The following BCAR3 variants were observed in gnomAD, a reference collection of about 807,000 sequenced individuals.
BCAR3 encodes the protein breast cancer anti-estrogen resistance protein 3.
In BCAR3, 37 loss-of-function variants were observed where a neutral mutation model predicts 80.1. The observed-to-expected ratio is 0.46, with a 90% CI of 0.36 to 0.61. BCAR3 has a LOEUF of 0.61. BCAR3 is among the 20% of genes least tolerant of loss of function. The pLI is 0.00. For missense variants in BCAR3, 978 were observed against 1,068.2 expected, an observed-to-expected ratio of 0.92 and a Z score of 1.18; for synonymous variants, 389 against 418.9, an observed-to-expected ratio of 0.93 and a Z score of 0.87.
chr1:93,829,289 G>A (rs1654478113), intron 2 of BCAR3, among the ~76,000 whole-genome samples: 1 of 151,928 alleles, frequency 6.6e-6, no homozygotes, highest in African/African-American at 2.4e-5. Context: ...ACCTGGTGGT[G>A]GCTATACTTG....
chr1:93,799,466 C>T (rs895829876), intron 2 of BCAR3, among the ~76,000 whole-genome samples: 4 of 152,184 alleles, frequency 2.6e-5, no homozygotes, highest in Non-Finnish European at 5.9e-5. Flanking sequence ...GCCTAAAACA[C>T]TCCTAAGCTG....
chr1:93,644,397 C>G (rs1226179348), intron 2 of BCAR3, among the ~76,000 whole-genome samples: 1 of 152,230 alleles, frequency 6.6e-6, no homozygotes, highest in Non-Finnish European at 1.5e-5. Flanking sequence ...CAAACTCAAC[C>G]AATTGTCAAC....
At chr1:93,584,247 G>T (rs555262360) in intron 5 of BCAR3, 126 bp from the exon 6 acceptor site, 3 of 755,514 alleles carry the variant, frequency 4.0e-6, no homozygotes, top group South Asian at 1.9e-5. Context: ...GAGTGCTACA[G>T]CATACCCTAA....
At position 93,618,942 on chromosome 1, in the gene BCAR3, T is replaced by G. The variant is rs933193189; in HGVS notation, c.357+23362A>C. Among the ~76,000 whole-genome samples, 23 of 151,080 alleles carry G rather than the reference T, an allele frequency of 1.5e-4. No individual in the cohort carries two copies. In the South Asian group the frequency reaches 1.7e-3, roughly 11 times the overall value. On this transcript the variant is annotated intron_variant, in intron 3 of 11. Coordinates refer to ENST00000260502, the MANE Select transcript of BCAR3 (RefSeq NM_003567.4). ...GCCGTGGGTTTTTTTTTTTTTTGTT[T>G]TTTTTTTTTTAATCTGAGACGGAAT...
chr1:93,571,715 GT>G lies in BCAR3; in HGVS notation c.1928del (p.Asp643AlafsTer9). 2.5e-6 allele frequency: 4 copies of G among 1,614,114 alleles called. No homozygotes were observed. Among genetic ancestry groups the G allele is most frequent in the Non-Finnish European group, 3.4e-6 (4 of 1,180,030 alleles). On this transcript the variant is annotated frameshift_variant, in exon 9 of 12. Transcript: ENST00000260502. LOFTEE classifies it high-confidence loss of function. The stretch of plus-strand genomic sequence containing the variant: ...TCATGAGAGCTGAGAAGGAATAGAG[GT>G]CCCCCATGGAATCCTTCAGTTCCAC... Reference protein sequence around the residue: ...VAVELKDSMGDLYSFSALMKA... With the variant: ...VAVELKDSMGXLYSFSALMKA...
intron 3 of BCAR3, among the ~76,000 whole-genome samples, chr1:93,605,966 T>C (rs940305340): frequency 1.3e-5 from 2 of 152,118 alleles, no homozygotes; most frequent in Admixed American, 6.5e-5. Flanking sequence ...ATTCTCTCTC[T>C]CCAAAATAGT....
chr1:93,771,806 C>G (rs1003855982), intron 2 of BCAR3, among the ~76,000 whole-genome samples: 13 of 152,146 alleles, frequency 8.5e-5, no homozygotes, highest in African/African-American at 2.7e-4. Context: ...CTTGGGTCAC[C>G]AGGAAGCTAT....
At chr1:93,607,332 G>A (rs1416225469) in intron 3 of BCAR3, among the ~76,000 whole-genome samples, 1 of 152,122 alleles carries the variant, frequency 6.6e-6, no homozygotes, top group African/African-American at 2.4e-5. Flanking sequence ...TTTTTAACAT[G>A]GGAAAGACCA....
At position 93,590,939 on chromosome 1, in the gene BCAR3, A is replaced by G. The variant is rs923031601; in HGVS notation, c.486+1326T>C. Among the ~76,000 whole-genome samples the G allele has an allele frequency of 7.9e-5, 12 of 152,188 alleles. No individual in the cohort carries two copies. In the East Asian group the frequency reaches 2.3e-3, roughly 29 times the overall value. On this transcript the variant is annotated intron_variant, in intron 4 of 11. Transcript: ENST00000260502. ...TAAGTGAGTAGAATGGGCTACCAAA[A>G]AAGTATATGTAGTACAATCTCATAC... is the stretch of plus-strand genomic sequence containing the variant.
upstream of BCAR3, among the ~76,000 whole-genome samples, chr1:93,686,737 C>G (rs1198214120): frequency 6.6e-6 from 1 of 152,214 alleles, no homozygotes. Context: ...GATGTCAAAG[C>G]TGGAGAACAG....
chr1:93,639,163 G>A lies in BCAR3; in HGVS notation c.357+3141C>T, dbSNP rs551876902. Among the ~76,000 whole-genome samples, 16 of 152,250 alleles carry A rather than the reference G, an allele frequency of 1.1e-4. 1 individual carries two copies. In the South Asian group the frequency reaches 2.7e-3, roughly 26 times the overall value. On this transcript the variant is annotated intron_variant, in intron 3 of 11. Transcript: ENST00000260502. ...TCCATTCCACTTGGGATGAACGACCGGTAGCTAAGCAACCGAGAAACCGGT... is the reference window on the plus strand; with the variant it reads ...TCCATTCCACTTGGGATGAACGACCAGTAGCTAAGCAACCGAGAAACCGGT...
At position 93,578,763 on chromosome 1, in the gene BCAR3, C is replaced by G. The variant is rs368030742; in HGVS notation, c.1687-2634G>C. On this transcript the variant is annotated intron_variant, in intron 7 of 11. Transcript: ENST00000260502. Reference sequence around the variant, plus strand: ...CACCTGATAGCAGGTGCTCCAAGAGCAGAGACCACAAGCTGCCCTGGCACA... The same window carrying G: ...CACCTGATAGCAGGTGCTCCAAGAGGAGAGACCACAAGCTGCCCTGGCACA... 2.6e-5 allele frequency among the ~76,000 whole-genome samples: 4 copies of G among 152,206 alleles called. No homozygotes were observed. In the East Asian group the frequency reaches 5.8e-4, roughly 22 times the overall value.
chr1:93,593,100 A>T (rs1674276963), intron 3 of BCAR3, among the ~76,000 whole-genome samples: 1 of 151,948 alleles, frequency 6.6e-6, no homozygotes. Flanking sequence ...CACAGTGGCC[A>T]TGGCAGTGAG....
chr1:93,701,761 G>A (rs919546350), intron 3 of BCAR3, among the ~76,000 whole-genome samples: 1 of 152,206 alleles, frequency 6.6e-6, no homozygotes, highest in African/African-American at 2.4e-5. Context: ...GGCCTTGTGG[G>A]ACTGGGAGGA....
chr1:93,731,216 T>C (rs1172683417), intron 2 of BCAR3, among the ~76,000 whole-genome samples: 1 of 152,200 alleles, frequency 6.6e-6, no homozygotes, highest in Non-Finnish European at 1.5e-5. Flanking sequence ...GATGGGATTC[T>C]GGAACAGTAA....
intron 3 of BCAR3, among the ~76,000 whole-genome samples, chr1:93,614,946 T>C (rs1675062805): frequency 6.6e-6 from 1 of 151,864 alleles, no homozygotes; most frequent in Admixed American, 6.6e-5. Flanking sequence ...CATAACACCT[T>C]TAGGGAAAAC....
intron 2 of BCAR3, among the ~76,000 whole-genome samples, chr1:93,766,696 A>G (rs1192033259): frequency 1.3e-5 from 2 of 152,152 alleles, no homozygotes; most frequent in Non-Finnish European, 2.9e-5. Context: ...CTCCATCTTC[A>G]CCGTATCAGC....
At chr1:93,642,124 G>A (rs113738045) in intron 3 of BCAR3, among the ~76,000 whole-genome samples, 180 bp downstream of exon 3, 8 of 152,282 alleles carry the variant, frequency 5.3e-5, no homozygotes, top group South Asian at 2.1e-4. Flanking sequence ...ATAGGATGAC[G>A]TGAGACCCCT....
chr1:93,592,115 G>T lies in BCAR3; in HGVS notation c.486+150C>A. 9.1e-7 allele frequency: 1 copy of T among 1,095,146 alleles called. No homozygotes were observed. Among genetic ancestry groups the T allele is most frequent in the East Asian group, 2.7e-5 (1 of 37,508 alleles). The allele number at this position is 1,095,146 out of a possible 1,614,324, so 67.8% of individuals were successfully genotyped here. ...CTCTTCCCAAGGTCTTCTTAGAGAA[G>T]GGTCTAAATGAAGTCATTTTTAGAG... On this transcript the variant is annotated intron_variant, in intron 4 of 11. Transcript: ENST00000260502. The surrounding 1 kb of genome is among the most constrained non-coding windows in gnomAD (Gnocchi z 4.8).
Sources: gnomAD v4.1 joint callset for allele counts (sites outside exome capture counted in the v4.1 genomes callset) on GRCh38, gnomAD v4.1.1 for gene constraint, Gnocchi (gnomAD v3.1) non-coding constraint, MANE v1.5 for transcripts, NCBI Gene and HGNC (gene_info 2026-07-23, HGNC 2026-07-21) for gene names.